The following SRGAP3 variants were observed in gnomAD, a reference collection of about 807,000 sequenced individuals.
The protein encoded by SRGAP3 is SLIT-ROBO Rho GTPase activating protein 3, also known as SLIT-ROBO Rho GTPase-activating protein 3.
SRGAP3 carries 39 observed loss-of-function variants against 121.1 expected under a neutral mutation model. The observed-to-expected ratio is 0.32, with a 90% CI of 0.25 to 0.42. The LOEUF is 0.42. Ranked by LOEUF, SRGAP3 falls within the 10% of genes least tolerant of loss-of-function variation. The pLI is 1.00. For synonymous variants in SRGAP3, 601 were observed against 570.0 expected (o/e 1.05, Z -0.77); for missense variants, 1,213 against 1,470.6 (o/e 0.82, Z 2.86).
rs755315374 is a variant in SRGAP3, at chr3:9,124,861, G to C, written c.124C>G (p.Arg42Gly). Reference protein sequence around the residue: ...FKCLEQQSESRLQLLQDLQEF... With the variant: ...FKCLEQQSESGLQLLQDLQEF... ...TGGAGGTCTTGAAGCAGCTGCAGTC[G>C]CGACTCTGATTGCTGCTCCAGACAT... The change falls in exon 2 of 22, where the codon CGA (arginine) becomes GGA (glycine). Residue 42 changes from arginine to glycine, a missense_variant. By Grantham distance (125) the Arg-to-Gly change is moderately radical. This residue lies in a region of SRGAP3 where 793 missense variants were observed against 1,032.9 expected (regional missense o/e 0.77). Transcript: ENST00000383836. 1.9e-6 allele frequency: 3 copies of C among 1,614,212 alleles called. No homozygotes were observed. The highest frequency in any genetic ancestry group is 2.2e-5 in the East Asian group (1 of 44,884).
At position 9,254,858 on chromosome 3, in the gene SRGAP3, GGAAAGAGAGAGAGA is replaced by G. The variant is rs774049401; in HGVS notation, n.442+71138_442+71151del. Among the ~76,000 whole-genome samples the G allele has an allele frequency of 1.5e-4, 21 of 142,494 alleles. No homozygotes were observed. In the South Asian group the frequency reaches 3.8e-3, roughly 26 times the overall value. 93.5% of individuals were successfully genotyped at this position (142,494 alleles called of 152,430 possible). On this transcript the variant is annotated intron_variant and non_coding_transcript_variant, in intron 3 of 3. Transcript: ENST00000490889. ...GGAACGAAGGGAGGGAGGGAGGGAA[GGAAAGAGAGAGAGA>G]GAAAGAGAGAGAGAAAGAAAAGAAA... is the stretch of plus-strand genomic sequence containing the variant.
Position 9,066,705 on chromosome 3 carries a change from G to A in SRGAP3, c.487-2124C>T, listed in dbSNP as rs1946450970. ...GTAGAGATGGGGTTTCACCGTGTTG[G>A]TCAATCTGGTCTTGATCTCCTGACC... On this transcript the variant is annotated intron_variant, in intron 4 of 21. Coordinates refer to ENST00000383836, the MANE Select transcript of SRGAP3 (RefSeq NM_014850.4). Among the ~76,000 whole-genome samples the A allele has an allele frequency of 2.0e-5, 3 of 152,162 alleles. No homozygotes were observed. The South Asian group carries it at 6.2e-4, about 32-fold the overall frequency.
chr3:9,355,290 C>A (rs960851371), intron 1 of SRGAP3, among the ~76,000 whole-genome samples: 1 of 152,206 alleles, frequency 6.6e-6, no homozygotes, highest in African/African-American at 2.4e-5. Flanking sequence ...CTCACTTGGA[C>A]CAATGAAATC....
chr3:9,219,855 G>C (rs1281263778), intron 1 of SRGAP3, among the ~76,000 whole-genome samples: 1 of 152,022 alleles, frequency 6.6e-6, no homozygotes, highest in Non-Finnish European at 1.5e-5. Context: ...AATAAAGAAA[G>C]AAAGAATGAA....
At chr3:9,069,689 C>T (rs944608958) in intron 4 of SRGAP3, among the ~76,000 whole-genome samples, 11 of 152,196 alleles carry the variant, frequency 7.2e-5, no homozygotes, top group African/African-American at 2.7e-4. Flanking sequence ...TGGCTCATGC[C>T]TGTAATCCCA....
rs568688931 is a variant in SRGAP3 at position 9,096,074 on chromosome 3, A to C, written c.423+8606T>G. On this transcript the variant is annotated intron_variant, in intron 3 of 21. Transcript: ENST00000383836. The stretch of plus-strand genomic sequence containing the variant: ...GCAACAGAGTGAAACCCATCTCAAA[A>C]AAACAAACAAACAAAACAAAACACA... 3.9e-5 allele frequency among the ~76,000 whole-genome samples: 6 copies of C among 152,366 alleles called. No homozygotes were observed. In the South Asian group the frequency reaches 1.0e-3, roughly 26 times the overall value.
intron 9 of SRGAP3, among the ~76,000 whole-genome samples, chr3:9,048,874 T>C (rs1246145964): frequency 2.0e-5 from 3 of 152,100 alleles, no homozygotes; most frequent in East Asian, 1.9e-4. Flanking sequence ...ACTGGAAGTC[T>C]AGAAGACCTC....
At chr3:9,211,182 C>G (rs2125177667) in intron 1 of SRGAP3, among the ~76,000 whole-genome samples, 1 of 152,208 alleles carries the variant, frequency 6.6e-6, no homozygotes, top group Non-Finnish European at 1.5e-5. Flanking sequence ...GATACACACA[C>G]AGAATGTAAT....
chr3:9,053,634 A>T (rs1945687897), intron 8 of SRGAP3, among the ~76,000 whole-genome samples: 1 of 152,224 alleles, frequency 6.6e-6, no homozygotes, highest in African/African-American at 2.4e-5. Context: ...TCATTCAGAG[A>T]AGGATAGAGA....
intron 1 of SRGAP3, among the ~76,000 whole-genome samples, chr3:9,199,006 C>A (rs960592086): frequency 2.0e-5 from 3 of 152,176 alleles, no homozygotes; most frequent in Non-Finnish European, 4.4e-5. Context: ...AATTTCAGAA[C>A]AGAATCCTGA....
intron 1 of SRGAP3, among the ~76,000 whole-genome samples, chr3:9,138,869 A>G (rs1949756687): frequency 6.6e-6 from 1 of 152,220 alleles, no homozygotes; most frequent in African/African-American, 2.4e-5. Flanking sequence ...ATGGGCAAAT[A>G]TTACAAAATC....
At chr3:9,314,515 T>C (rs1338826518) in intron 3 of SRGAP3, among the ~76,000 whole-genome samples, 1 of 152,080 alleles carries the variant, frequency 6.6e-6, no homozygotes, top group Non-Finnish European at 1.5e-5. Flanking sequence ...AGTAGACACA[T>C]TCCCTGCTCT....
At chr3:9,050,404 C>T (rs1945509587) in intron 9 of SRGAP3, among the ~76,000 whole-genome samples, 1 of 152,232 alleles carries the variant, frequency 6.6e-6, no homozygotes, top group African/African-American at 2.4e-5. Flanking sequence ...GCGCAAATTA[C>T]AGCCTGGGGC....
rs752225976 is a variant in SRGAP3, at chr3:9,157,887, T to A, written c.68-32970A>T. Reference sequence around the variant, plus strand: ...AGGAAGTAATCCTACAGGAAAAGTTTTCAGCTCGAGGGAAGATTCTTCAAG... The same window carrying A: ...AGGAAGTAATCCTACAGGAAAAGTTATCAGCTCGAGGGAAGATTCTTCAAG... On this transcript the variant is annotated intron_variant, in intron 1 of 21. Transcript: ENST00000383836. Among the ~76,000 whole-genome samples, 56 of 152,356 alleles carry A rather than the reference T, an allele frequency of 3.7e-4. 1 individual carries two copies. The highest frequency in any genetic ancestry group is 1.2e-3 in the Admixed American group (18 of 15,300).
Position 9,121,891 on chromosome 3 carries a change from G to T in SRGAP3, c.260+2834C>A, listed in dbSNP as rs1285971586. Among the ~76,000 whole-genome samples the T allele has an allele frequency of 3.3e-5, 5 of 152,302 alleles. No homozygotes were observed. The East Asian group carries it at 9.7e-4, about 29-fold the overall frequency. Reference sequence around the variant, plus strand: ...CTCCAGTGGCCATTCAGCCAGAGTTGTGGGGTTCTGAGCCTATGTCTGCTG... The same window carrying T: ...CTCCAGTGGCCATTCAGCCAGAGTTTTGGGGTTCTGAGCCTATGTCTGCTG... On this transcript the variant is annotated intron_variant, in intron 2 of 21. Coordinates refer to ENST00000383836, the MANE Select transcript of SRGAP3 (RefSeq NM_014850.4).
At chr3:9,340,420 C>G (rs531149430) in intron 1 of SRGAP3, among the ~76,000 whole-genome samples, 5 of 152,310 alleles carry the variant, frequency 3.3e-5, no homozygotes, top group African/African-American at 1.2e-4. Context: ...CTCCAATAGA[C>G]TACTAGAATG....
chr3:9,032,608 C>A, intron 12 of SRGAP3, 42 bp downstream of exon 12: 1 of 1,574,626 alleles, frequency 6.4e-7, no homozygotes. Context: ...GCTGCCATTA[C>A]ATTGGGTGCA....
chr3:9,281,717 G>A (rs1954683483), intron 3 of SRGAP3, among the ~76,000 whole-genome samples: 1 of 152,114 alleles, frequency 6.6e-6, no homozygotes, highest in Non-Finnish European at 1.5e-5. Flanking sequence ...CTGTTGCCCA[G>A]GCTGGAGAGC....
intron 2 of SRGAP3, among the ~76,000 whole-genome samples, chr3:9,124,223 G>A (rs1179346181): frequency 1.3e-5 from 2 of 152,136 alleles, no homozygotes; most frequent in Non-Finnish European, 2.9e-5. Context: ...GGAAAGAGCC[G>A]GGGCACTGAG....
Sources: gnomAD v4.1 joint callset for allele counts (sites outside exome capture counted in the v4.1 genomes callset) on GRCh38, gnomAD v4.1.1 for gene constraint, gnomAD v4.1.1 regional missense constraint, MANE v1.5 for transcripts, NCBI Gene and HGNC (gene_info 2026-07-23, HGNC 2026-07-21) for gene names.